Variants in DNAH11 observed in about 807,000 individuals in gnomAD.
The protein encoded by DNAH11 is axonemal beta dynein heavy chain 11.
DNAH11 carries 442 observed loss-of-function variants against 526.0 expected under a neutral mutation model. The ratio of observed to expected loss-of-function variants is 0.84; its 90% confidence interval spans 0.78 to 0.91. The LOEUF (loss-of-function observed/expected upper bound fraction) is 0.91, where lower values mean the gene tolerates loss of function less well. DNAH11 is among the 40% of genes least tolerant of loss of function. The probability of loss-of-function intolerance (pLI) is 0.00; values close to 1 mark genes in which losing one functional copy is unlikely to be tolerated. For missense variants in DNAH11, 6,989 were observed against 5,448.7 expected (o/e 1.28, Z -8.90); for synonymous variants, 2,461 against 1,935.9 (o/e 1.27, Z -7.12).
chr7:21,895,982 G>A (rs889741075), intron 79 of DNAH11, among the ~76,000 whole-genome samples: 3 of 152,174 alleles, frequency 2.0e-5, no homozygotes, highest in African/African-American at 7.2e-5. Flanking sequence ...GCCCGCCTCA[G>A]CCTCCCAAAG....
In DNAH11 at chr7:21,711,801, G is replaced by A. The variant is rs186695846; in HGVS notation, c.6924G>A (p.Pro2308=). ...TACATCACTTAAGGAGCGCAACCCC[G>A]GCCACTGTTTCCAGAGCTGGTATTC... The part of the protein sequence containing the change: ...FEIHHLRSAT[P]ATVSRAGILY... The change falls in exon 42 of 82, where the codon CCG becomes CCA. Residue 2308 remains proline, a synonymous_variant. Transcript: ENST00000409508. The A allele has an allele frequency of 1.2e-4, 193 of 1,613,768 alleles. No individual in the cohort carries two copies. Among genetic ancestry groups the A allele is most frequent in the East Asian group, 9.4e-4 (42 of 44,880 alleles).
At position 21,854,570 on chromosome 7, in the gene DNAH11, G is replaced by A. The variant is rs1782763326; in HGVS notation, c.11202+115G>A. On this transcript the variant is annotated intron_variant, in intron 68 of 81. Coordinates refer to ENST00000409508, the MANE Select transcript of DNAH11 (RefSeq NM_001277115.2). The stretch of plus-strand genomic sequence containing the variant: ...TAATAACTATTATTACTATTATTGA[G>A]ACAGAGTCTCACTCTGTAGCCCAGG... The A allele has an allele frequency of 2.6e-6, 3 of 1,166,834 alleles. No individual in the cohort carries two copies. In the Admixed American group the frequency reaches 8.3e-5, roughly 32 times the overall value. The allele number at this position is 1,166,834 out of a possible 1,614,324, so 72.3% of individuals were successfully genotyped here. A position where few individuals can be genotyped will look rare whatever the true frequency, so the allele number is the denominator to read the frequency against.
At chr7:21,743,398 G>C (rs998311132) in intron 49 of DNAH11, among the ~76,000 whole-genome samples, 5 of 152,168 alleles carry the variant, frequency 3.3e-5, no homozygotes, top group African/African-American at 1.2e-4. Flanking sequence ...ATTTGACTTA[G>C]GAAATTCTGA....
intron 28 of DNAH11, among the ~76,000 whole-genome samples, chr7:21,643,456 C>T (rs1787211949): frequency 6.6e-6 from 1 of 152,068 alleles, no homozygotes; most frequent in Admixed American, 6.6e-5. Context: ...GAAGCTAATC[C>T]ACAATAGAGC....
intron 2 of DNAH11, among the ~76,000 whole-genome samples, chr7:21,549,690 A>G (rs1782947096): frequency 1.3e-5 from 2 of 152,112 alleles, no homozygotes; most frequent in Admixed American, 1.3e-4. Flanking sequence ...CCTTGGACAG[A>G]TGTAATTTAT....
chr7:21,559,849 A>G (rs1011605149), intron 4 of DNAH11, 57 bp downstream of exon 4: 11 of 1,388,174 alleles, frequency 7.9e-6, no homozygotes, highest in African/African-American at 2.9e-5. Flanking sequence ...CTGAGCTGCA[A>G]TGACCAATAG....
At chr7:21,710,407 C>G in intron 40 of DNAH11, 146 bp from the exon 41 acceptor site, 1 of 602,530 alleles carries the variant, frequency 1.7e-6, no homozygotes, top group Non-Finnish European at 2.8e-6. Context: ...GAATCTGGAA[C>G]CCATGTGTGG....
At chr7:21,665,929 G>A (rs754567033) in intron 30 of DNAH11, among the ~76,000 whole-genome samples, 10 of 152,016 alleles carry the variant, frequency 6.6e-5, no homozygotes, top group Non-Finnish European at 1.2e-4. Context: ...AACCTTTTTA[G>A]TTTTCTTCCT....
chr7:21,572,035 A>C, intron 8 of DNAH11, 62 bp downstream of exon 8: 2 of 1,363,572 alleles, frequency 1.5e-6, no homozygotes, highest in South Asian at 1.9e-5. Flanking sequence ...CTGAAAAGGA[A>C]GATAGGTCAC....
At chr7:21,657,893 G>A (rs140650912) in intron 29 of DNAH11, among the ~76,000 whole-genome samples, 189 of 152,252 alleles carry the variant, frequency 1.2e-3, no homozygotes, top group African/African-American at 4.5e-3. Context: ...ATTCTTCAGA[G>A]GTTCTAGGAA....
chr7:21,557,355 C>G (rs2128430082), intron 2 of DNAH11, among the ~76,000 whole-genome samples: 1 of 152,286 alleles, frequency 6.6e-6, no homozygotes, highest in African/African-American at 2.4e-5. Flanking sequence ...CAAAATACCA[C>G]AGACTTGATG....
chr7:21,691,178 CTTTTTTT>C (rs559356874), intron 35 of DNAH11, among the ~76,000 whole-genome samples: 2 of 67,212 alleles, frequency 3.0e-5, no homozygotes, highest in South Asian at 6.2e-4. Context: ...TTTTTTTTTT[CTTTTTTT>C]TTTTTTAACA....
chr7:21,756,641 C>CT (rs1786653388), intron 54 of DNAH11, among the ~76,000 whole-genome samples: 2 of 151,946 alleles, frequency 1.3e-5, no homozygotes, highest in South Asian at 4.2e-4. Flanking sequence ...CACTGTTTTC[C>CT]TTGTTATAAT....
intron 28 of DNAH11, among the ~76,000 whole-genome samples, chr7:21,644,021 C>T (rs540626990): frequency 1.8e-4 from 27 of 152,262 alleles, no homozygotes; most frequent in African/African-American, 5.5e-4. Flanking sequence ...TTAATGTTTG[C>T]ATGAAGAAAT....
chr7:21,800,489 G>A (rs1036594880), intron 61 of DNAH11, among the ~76,000 whole-genome samples: 8 of 152,016 alleles, frequency 5.3e-5, no homozygotes, highest in South Asian at 2.1e-4. Flanking sequence ...AAAATTAGCC[G>A]GGTGTGGTGG....
chr7:21,855,853 T>C (rs1366341489), intron 68 of DNAH11, among the ~76,000 whole-genome samples: 1 of 152,186 alleles, frequency 6.6e-6, no homozygotes, highest in African/African-American at 2.4e-5. Context: ...TAGATATAGT[T>C]CCACCTTTAT....
intron 7 of DNAH11, among the ~76,000 whole-genome samples, chr7:21,571,222 TGGG>T (rs1156818913): frequency 2.6e-5 from 4 of 152,070 alleles, no homozygotes; most frequent in Non-Finnish European, 5.9e-5. Flanking sequence ...GATATAAAAT[TGGG>T]GGAGTTATGT....
Position 21,620,046 on chromosome 7 carries a change from G to C in DNAH11, c.4468G>C (p.Glu1490Gln). 1 of 1,602,808 alleles carries C rather than the reference G, an allele frequency of 6.2e-7. No individual in the cohort carries two copies. The highest frequency in any genetic ancestry group is 1.1e-5 in the South Asian group (1 of 87,122). Residue 1490 changes from glutamate to glutamine, a missense_variant, in exon 25 of 82, where the codon GAA becomes CAA. Transcript: ENST00000409508. ...RTGIPLLKSD[E>Q]QLFETLEHNQ... Reference sequence around the variant, plus strand: ...AGGCATTCCATTACTAAAGTCTGATGAACAACTTTTTGAAACTCTAGAGCA... The same window carrying C: ...AGGCATTCCATTACTAAAGTCTGATCAACAACTTTTTGAAACTCTAGAGCA...
intron 54 of DNAH11, among the ~76,000 whole-genome samples, chr7:21,765,130 G>T (rs190881212): frequency 6.4e-4 from 97 of 152,278 alleles, no homozygotes; most frequent in African/African-American, 2.2e-3. Context: ...TGTTACTTGT[G>T]TAATGTAAAT....
Sources: gnomAD v4.1 joint callset for allele counts (sites outside exome capture counted in the v4.1 genomes callset) on GRCh38, gnomAD v4.1.1 for gene constraint, MANE v1.5 for transcripts, NCBI Gene and HGNC (gene_info 2026-07-23, HGNC 2026-07-21) for gene names.